The following NUP85 variants were observed in gnomAD, a reference collection of about 807,000 sequenced individuals.
The protein encoded by NUP85 is nuclear pore complex protein Nup85.
Under a neutral mutation model 92.8 loss-of-function variants are expected in NUP85, and 23 were observed. That is an observed-to-expected ratio of 0.25 (90% CI 0.18 to 0.35). The LOEUF (loss-of-function observed/expected upper bound fraction) is 0.35, where lower values mean the gene tolerates loss of function less well. NUP85 is among the 10% of genes least tolerant of loss of function. The probability of loss-of-function intolerance (pLI) is 1.00; values close to 1 mark genes in which losing one functional copy is unlikely to be tolerated. For synonymous variants in NUP85, 314 were observed against 306.9 expected (o/e 1.02, Z -0.24); for missense variants, 759 against 822.8 (o/e 0.92, Z 0.95).
chr17:75,223,421 T>A (rs1404165608), intron 7 of NUP85, among the ~76,000 whole-genome samples: 4 of 152,274 alleles, frequency 2.6e-5, no homozygotes, highest in Middle Eastern at 6.8e-3. Flanking sequence ...GGAGTCTCAC[T>A]CTGTCACCCA....
intron 5 of NUP85, among the ~76,000 whole-genome samples, chr17:75,214,032 GA>G (rs2075355628): frequency 6.6e-6 from 1 of 150,928 alleles, no homozygotes; most frequent in African/African-American, 2.4e-5. Flanking sequence ...TTTTAGTAGA[GA>G]GGGGGTTTCA....
intron 11 of NUP85, chr17:75,228,015 T>C: frequency 5.8e-6 from 1 of 171,804 alleles, no homozygotes; most frequent in Non-Finnish European, 1.2e-5. Flanking sequence ...GAAGAATTAG[T>C]GAGAATAACT....
At chr17:75,218,152 G>A in intron 6 of NUP85, 33 bp from the exon 7 acceptor site, 8 of 1,613,102 alleles carry the variant, frequency 5.0e-6, no homozygotes, top group Non-Finnish European at 6.8e-6. Context: ...TGAAGCTGAG[G>A]CTTTTGTGTG....
At position 75,231,433 on chromosome 17, in the gene NUP85, C is replaced by G. The variant is rs375572023; in HGVS notation, c.1178+10C>G. The G allele has an allele frequency of 5.6e-6, 9 of 1,613,810 alleles. No individual in the cohort carries two copies. Among genetic ancestry groups the G allele is most frequent in the Admixed American group, 1.7e-5 (1 of 60,004 alleles). On this transcript the variant is annotated intron_variant, in intron 12 of 18. Transcript: ENST00000245544. This position sits in a 1 kb window ranked among gnomAD's most constrained non-coding sequence, Gnocchi z 4.6. ...AGTCACACAACCTCTAGTAAGTGGC[C>G]GGGAGGCACCGATCCTCCTCTTCTT...
At chr17:75,228,613 A>G (rs2075916394) in intron 11 of NUP85, 3 of 985,454 alleles carry the variant, frequency 3.0e-6, no homozygotes, top group Non-Finnish European at 3.6e-6. Flanking sequence ...AGTCAGACCC[A>G]TGCACAGTTC....
chr17:75,229,140 T>A (rs2145386047), intron 11 of NUP85: 1 of 985,442 alleles, frequency 1.0e-6, no homozygotes, highest in East Asian at 1.1e-4. Context: ...AGGTGACAAG[T>A]CTTCCTTCAA....
chr17:75,217,696 A>G (rs1401750957), intron 6 of NUP85, among the ~76,000 whole-genome samples: 5 of 152,056 alleles, frequency 3.3e-5, no homozygotes, highest in Admixed American at 1.3e-4. Flanking sequence ...TAGTAGAGAC[A>G]GGGTTTCACC....
intron 7 of NUP85, among the ~76,000 whole-genome samples, chr17:75,220,298 T>G (rs2075560311): frequency 6.6e-6 from 1 of 151,844 alleles, no homozygotes; most frequent in Non-Finnish European, 1.5e-5. Context: ...CTAATTTTTG[T>G]ATTTTTAGTA....
chr17:75,212,220 C>T lies in NUP85; in HGVS notation c.361+158C>T. 1.7e-5 allele frequency among the ~76,000 whole-genome samples: 2 copies of T among 118,314 alleles called. 1 individual carries two copies. The highest frequency in any genetic ancestry group is 3.4e-5 in the Non-Finnish European group (2 of 58,920). 77.6% of individuals were successfully genotyped at this position (118,314 alleles called of 152,430 possible). ...TCATAATCCTTACTTTTTTGGTAAT[C>T]ATTTAGAGGTTTTTTTTTTTGTTGT... is the stretch of plus-strand genomic sequence containing the variant. On this transcript the variant is annotated intron_variant, in intron 4 of 18. Transcript: ENST00000245544.
At chr17:75,206,858 CG>C (rs1425271599) in intron 1 of NUP85, among the ~76,000 whole-genome samples, 1 of 151,704 alleles carries the variant, frequency 6.6e-6, no homozygotes, top group Admixed American at 6.6e-5. Context: ...CCACCACGCC[CG>C]GCTAATTTTT....
intron 6 of NUP85, chr17:75,216,232 G>A (rs1162627592): frequency 6.1e-6 from 1 of 164,816 alleles, no homozygotes; most frequent in Admixed American, 6.3e-5. Context: ...CTCTGCCAAT[G>A]GGTATGAACT....
intron 11 of NUP85, among the ~76,000 whole-genome samples, chr17:75,229,979 C>G (rs1409526344): frequency 6.6e-6 from 1 of 152,120 alleles, no homozygotes; most frequent in Non-Finnish European, 1.5e-5. Context: ...CCACTCCCTC[C>G]CATTTTTTTC....
chr17:75,218,070 G>T, intron 6 of NUP85, 115 bp from the exon 7 acceptor site: 1 of 1,378,522 alleles, frequency 7.3e-7, no homozygotes, highest in East Asian at 2.4e-5. Context: ...CTGCTTAAAA[G>T]GGATAAACCT....
At chr17:75,221,955 A>G (rs374933921) in intron 7 of NUP85, among the ~76,000 whole-genome samples, 1 of 152,178 alleles carries the variant, frequency 6.6e-6, no homozygotes, top group East Asian at 1.9e-4. Context: ...AAGAAATAGA[A>G]GAATGTGGGA....
chr17:75,208,718 A>C (rs1166270861), intron 2 of NUP85, 98 bp downstream of exon 2: 2 of 759,672 alleles, frequency 2.6e-6, no homozygotes, highest in Non-Finnish European at 4.7e-6. Context: ...GAAACAGTTG[A>C]ATTTATTTTG....
intron 1 of NUP85, among the ~76,000 whole-genome samples, chr17:75,207,367 TAGAGACGAGGTTTCTCCATGTTGGTCAGG>T (rs897204450): frequency 2.4e-4 from 37 of 151,910 alleles, no homozygotes; most frequent in Non-Finnish European, 4.4e-4. Context: ...ATTTTTTTAG[TAGAGACGAGGTTTCTCCATGTTGGTCAGG>T]CTGGTCTGGA....
intron 7 of NUP85, among the ~76,000 whole-genome samples, chr17:75,218,592 T>TTTTTG (rs1450555917): frequency 7.4e-6 from 1 of 134,420 alleles, no homozygotes; most frequent in Non-Finnish European, 1.6e-5. Flanking sequence ...AAAACCGTTT[T>TTTTTG]TTTTTTTTTT....
At chr17:75,225,485 T>A (rs2075755502) in intron 9 of NUP85, 21 bp downstream of exon 9, 7 of 1,610,912 alleles carry the variant, frequency 4.3e-6, no homozygotes, top group Non-Finnish European at 5.9e-6. Context: ...CAGTTCAGAT[T>A]GCATCCATGT....
intron 11 of NUP85, among the ~76,000 whole-genome samples, chr17:75,226,585 C>G (rs1338430951): frequency 1.3e-5 from 2 of 152,108 alleles, no homozygotes; most frequent in African/African-American, 4.8e-5. Context: ...TTAATACTAT[C>G]ACATTGGCAA....
Sources: gnomAD v4.1 joint callset for allele counts (sites outside exome capture counted in the v4.1 genomes callset) on GRCh38, gnomAD v4.1.1 for gene constraint, Gnocchi (gnomAD v3.1) non-coding constraint, MANE v1.5 for transcripts, NCBI Gene and HGNC (gene_info 2026-07-23, HGNC 2026-07-21) for gene names.